Variants in CLDN10 observed in about 807,000 individuals in gnomAD.
CLDN10 encodes the protein claudin 10, also known as claudin-10.
CLDN10 carries 15 observed loss-of-function variants against 22.9 expected under a neutral mutation model. The observed-to-expected ratio is 0.65, with a 90% CI of 0.44 to 1.01. CLDN10 has a LOEUF of 1.01. CLDN10 is among the 50% of genes least tolerant of loss of function. The pLI is 0.00. For synonymous variants in CLDN10, 114 were observed against 111.4 expected, an observed-to-expected ratio of 1.02 and a Z score of -0.15; for missense variants, 247 against 287.8, an observed-to-expected ratio of 0.86 and a Z score of 1.03.
chr13:95,552,908 C>T lies in CLDN10; in HGVS notation c.155C>T (p.Ala52Val), dbSNP rs1191682747. The change falls in exon 1 of 5, where the codon GCG becomes GTG. Residue 52 changes from alanine (A) to valine (V), a missense_variant. Physicochemically the swap from Ala to Val is moderately conservative, Grantham distance 64 (BLOSUM62 0). Transcript: ENST00000299339. ...ACCTATTGGGCCAACCTGTGGAAGG[C>T]GTGCGTTACCGACTCCACGGGCGTC... ...TATYWANLWK[A>V]CVTDSTGVSN... is the part of the protein sequence containing the mutation. 6.2e-7 allele frequency: 1 copy of T among 1,614,104 alleles called. No individual in the cohort carries two copies. The highest frequency in any genetic ancestry group is 8.5e-7 in the Non-Finnish European group (1 of 1,179,996).
chr13:95,548,808 C>T (rs1254868925), upstream of CLDN10, among the ~76,000 whole-genome samples: 1 of 152,120 alleles, frequency 6.6e-6, no homozygotes, highest in Non-Finnish European at 1.5e-5. Context: ...TAGCAGCACG[C>T]CACCTCACTG....
At chr13:95,576,035 C>T (rs1293416459) in intron 3 of CLDN10, among the ~76,000 whole-genome samples, 2 of 152,174 alleles carry the variant, frequency 1.3e-5, no homozygotes, top group Non-Finnish European at 2.9e-5. Flanking sequence ...CTGCCTGCGA[C>T]TCAGACCACA....
At chr13:95,561,901 G>C (rs1038907341) in intron 3 of CLDN10, among the ~76,000 whole-genome samples, 2 of 151,248 alleles carry the variant, frequency 1.3e-5, no homozygotes, top group Non-Finnish European at 2.9e-5. Flanking sequence ...GAGTAGCTGG[G>C]ACATATATGT....
At chr13:95,440,024 C>T (rs577604359) in intron 1 of CLDN10, among the ~76,000 whole-genome samples, 1 of 152,176 alleles carries the variant, frequency 6.6e-6, no homozygotes, top group Non-Finnish European at 1.5e-5. Context: ...AGCGATTCTC[C>T]TGCCTCAGCC....
At chr13:95,557,849 T>C (rs1339369290) in intron 1 of CLDN10, among the ~76,000 whole-genome samples, 4 of 152,186 alleles carry the variant, frequency 2.6e-5, no homozygotes, top group Admixed American at 6.5e-5. Flanking sequence ...TTTTCCCTGT[T>C]GTATTAAGAA....
intron 1 of CLDN10, among the ~76,000 whole-genome samples, chr13:95,496,738 C>T (rs2042933907): frequency 6.6e-6 from 1 of 152,192 alleles, no homozygotes; most frequent in Non-Finnish European, 1.5e-5. Context: ...CCCTCATGAC[C>T]TCATGTAAAC....
chr13:95,470,889 C>A (rs554057735), intron 1 of CLDN10, among the ~76,000 whole-genome samples: 60 of 152,240 alleles, frequency 3.9e-4, no homozygotes, highest in Non-Finnish European at 7.1e-4. Context: ...CCACAGCCGA[C>A]GTGCTGGTTC....
chr13:95,568,848 A>G (rs2043818907), intron 3 of CLDN10, among the ~76,000 whole-genome samples: 1 of 152,156 alleles, frequency 6.6e-6, no homozygotes, highest in Non-Finnish European at 1.5e-5. Flanking sequence ...TTAAAGGAAC[A>G]GGGAGAGGCA....
upstream of CLDN10, among the ~76,000 whole-genome samples, chr13:95,549,953 C>A (rs978480761): frequency 1.3e-5 from 2 of 152,062 alleles, no homozygotes; most frequent in Non-Finnish European, 2.9e-5. Context: ...GTTTAATATT[C>A]TTTCTTCCTG....
chr13:95,483,958 C>T (rs2138501265), intron 1 of CLDN10, among the ~76,000 whole-genome samples: 1 of 152,250 alleles, frequency 6.6e-6, no homozygotes, highest in East Asian at 1.9e-4. Flanking sequence ...GAAGACACCC[C>T]AGAGAGGTCC....
intron 3 of CLDN10, among the ~76,000 whole-genome samples, chr13:95,566,298 T>A (rs1050478760): frequency 3.3e-5 from 5 of 152,162 alleles, no homozygotes; most frequent in Non-Finnish European, 7.4e-5. Context: ...TTGTTTCCTG[T>A]CTTTTTAATG....
chr13:95,470,017 T>C (rs372781051), intron 1 of CLDN10, among the ~76,000 whole-genome samples: 2 of 152,316 alleles, frequency 1.3e-5, no homozygotes, highest in East Asian at 3.9e-4. Context: ...TTATAAATGT[T>C]GTCTGTGTTC....
chr13:95,435,727 C>T (rs1269824707), intron 1 of CLDN10, among the ~76,000 whole-genome samples: 1 of 152,008 alleles, frequency 6.6e-6, no homozygotes, highest in Non-Finnish European at 1.5e-5. Context: ...TCCAGGGGCC[C>T]CTCTTGGCCC....
chr13:95,478,261 T>C (rs1457248580), intron 1 of CLDN10, among the ~76,000 whole-genome samples: 1 of 152,168 alleles, frequency 6.6e-6, no homozygotes, highest in African/African-American at 2.4e-5. Flanking sequence ...TGAGCCAAGA[T>C]CGCACCACTG....
At chr13:95,482,301 T>C (rs2042757073) in intron 1 of CLDN10, among the ~76,000 whole-genome samples, 1 of 152,178 alleles carries the variant, frequency 6.6e-6, no homozygotes, top group African/African-American at 2.4e-5. Context: ...GAAACAGGTC[T>C]GGATGGGGAG....
intron 1 of CLDN10, among the ~76,000 whole-genome samples, chr13:95,513,953 G>C (rs1382256322): frequency 1.3e-5 from 2 of 152,174 alleles, no homozygotes; most frequent in Admixed American, 6.5e-5. Flanking sequence ...TGATTGTTAT[G>C]CTTCAGAACT....
At chr13:95,462,790 A>C (rs774939421) in intron 1 of CLDN10, among the ~76,000 whole-genome samples, 14 of 152,128 alleles carry the variant, frequency 9.2e-5, no homozygotes, top group Non-Finnish European at 1.6e-4. Context: ...TATAAAGGGA[A>C]CTGGAAGCAA....
intron 1 of CLDN10, among the ~76,000 whole-genome samples, chr13:95,537,653 A>C (rs1252972763): frequency 1.3e-5 from 2 of 152,180 alleles, no homozygotes; most frequent in Non-Finnish European, 2.9e-5. Context: ...AAATTAGGGT[A>C]CCACTTCACT....
At chr13:95,461,387 T>C (rs115090970) in intron 1 of CLDN10, among the ~76,000 whole-genome samples, 1 of 152,356 alleles carries the variant, frequency 6.6e-6, no homozygotes, top group African/African-American at 2.4e-5. Flanking sequence ...AAAGAACAGA[T>C]ACTTCTTGAG....
Sources: allele counts gnomAD v4.1 joint callset (sites outside exome capture counted in the v4.1 genomes callset), GRCh38; gene constraint gnomAD v4.1.1; transcripts MANE v1.5; gene names NCBI Gene and HGNC (gene_info 2026-07-23, HGNC 2026-07-21).